The following TENM3 variants were observed in gnomAD, a reference collection of about 807,000 sequenced individuals.
The protein encoded by TENM3 is teneurin transmembrane protein 3.
A neutral mutation model predicts 255.1 loss-of-function variants in TENM3; 63 were observed. That is an observed-to-expected ratio of 0.25 (90% CI 0.20 to 0.30). TENM3 has a LOEUF of 0.30. TENM3 is among the 10% of genes least tolerant of loss of function. The pLI is 1.00. For synonymous variants in TENM3, 1,306 were observed against 1,322.3 expected, an observed-to-expected ratio of 0.99 and a Z score of 0.27; for missense variants, 2,929 against 3,461.1, an observed-to-expected ratio of 0.85 and a Z score of 3.86.
At chr4:182,060,992 A>G in the TENM3 span, among the ~76,000 whole-genome samples, 1 of 152,296 alleles carries the variant, frequency 6.6e-6, no homozygotes, top group East Asian at 1.9e-4. Context: ...TGTCTCAGAA[A>G]GTTCAGGATG....
chr4:181,612,874 C>T, the TENM3 span, among the ~76,000 whole-genome samples: 3 of 152,144 alleles, frequency 2.0e-5, no homozygotes, highest in African/African-American at 7.2e-5. Context: ...AGATACAACA[C>T]TATTTTCATA....
the TENM3 span, among the ~76,000 whole-genome samples, chr4:181,672,037 C>A: frequency 6.6e-6 from 1 of 152,262 alleles, no homozygotes; most frequent in Non-Finnish European, 1.5e-5. Flanking sequence ...TTGGATAGCA[C>A]CTTAAAATCT....
chr4:181,936,411 T>C, the TENM3 span, among the ~76,000 whole-genome samples: 2 of 152,072 alleles, frequency 1.3e-5, no homozygotes, highest in African/African-American at 4.8e-5. Flanking sequence ...AGGAATCAGA[T>C]GTGAGAGTGG....
chr4:181,855,864 T>G, the TENM3 span, among the ~76,000 whole-genome samples: 4 of 133,012 alleles, frequency 3.0e-5, no homozygotes, highest in East Asian at 2.4e-4. Context: ...GGAGGGAGGA[T>G]AGGAGGAAGC....
the TENM3 span, among the ~76,000 whole-genome samples, chr4:181,739,727 G>A: frequency 1.3e-5 from 2 of 152,132 alleles, no homozygotes; most frequent in South Asian, 2.1e-4. Context: ...GCAGACCGTC[G>A]TACATTTATT....
chr4:181,516,066 G>A, the TENM3 span, among the ~76,000 whole-genome samples: 4 of 152,242 alleles, frequency 2.6e-5, no homozygotes, highest in East Asian at 7.7e-4. Context: ...GGACATAGAT[G>A]GAGCTGGAAG....
At chr4:181,650,986 T>C in the TENM3 span, among the ~76,000 whole-genome samples, 1 of 152,320 alleles carries the variant, frequency 6.6e-6, no homozygotes, top group Non-Finnish European at 1.5e-5. Context: ...TTCTTTGCCA[T>C]TTGGGGCTTC....
At chr4:182,654,570 T>C (rs1181523485) in intron 6 of TENM3, among the ~76,000 whole-genome samples, 2 of 152,158 alleles carry the variant, frequency 1.3e-5, no homozygotes. Context: ...CTCTGACTTT[T>C]TGCAAAATAT....
At chr4:181,551,838 ATGTGTGTGTGTGTGTGTGTGTGTG>A in the TENM3 span, among the ~76,000 whole-genome samples, 21,984 of 138,922 alleles carry the variant, frequency 0.16, 2,227 homozygotes, top group Admixed American at 0.23. Context: ...ATATATGTAT[ATGTGTGTGTGTGTGTGTGTGTGTG>A]TGTGTGTGTG....
chr4:182,796,826 A>G, intron 27 of TENM3, 59 bp downstream of exon 27: 2 of 1,379,188 alleles, frequency 1.5e-6, no homozygotes, highest in Non-Finnish European at 2.0e-6. Context: ...ATCTACCCAT[A>G]TCTAATCAAA....
chr4:182,571,965 G>A (rs1245307841), intron 3 of TENM3, among the ~76,000 whole-genome samples: 3 of 152,140 alleles, frequency 2.0e-5, no homozygotes, highest in Non-Finnish European at 4.4e-5. Flanking sequence ...GCAGTGGCGC[G>A]ATCCTGGCTC....
At chr4:182,179,306 G>T (rs1752702454) in intron 1 of TENM3, among the ~76,000 whole-genome samples, 1 of 152,160 alleles carries the variant, frequency 6.6e-6, no homozygotes, top group Non-Finnish European at 1.5e-5. Flanking sequence ...CATAATGCCT[G>T]TTCATTTAAA....
intron 3 of TENM3, among the ~76,000 whole-genome samples, chr4:182,347,714 AT>A (rs1294106776): frequency 6.6e-6 from 1 of 152,226 alleles, no homozygotes; most frequent in African/African-American, 2.4e-5. Flanking sequence ...AGAAAACTTA[AT>A]TTTTAGTCAG....
At chr4:181,503,745 A>G in the TENM3 span, among the ~76,000 whole-genome samples, 1 of 152,186 alleles carries the variant, frequency 6.6e-6, no homozygotes, top group African/African-American at 2.4e-5. Context: ...TTATCTGTCT[A>G]TATGAGTGGG....
the TENM3 span, among the ~76,000 whole-genome samples, chr4:181,686,479 C>T: frequency 0.011 from 1,628 of 152,036 alleles, 21 homozygotes; most frequent in African/African-American, 0.032. Flanking sequence ...ACATAAAGGA[C>T]GAAAGTTCCC....
the TENM3 span, among the ~76,000 whole-genome samples, chr4:181,599,713 C>T: frequency 2.0e-5 from 3 of 152,106 alleles, no homozygotes; most frequent in African/African-American, 7.2e-5. Flanking sequence ...AAGAACACTG[C>T]ATTGGAAAAG....
intron 3 of TENM3, among the ~76,000 whole-genome samples, chr4:182,551,023 C>A (rs1741947839): frequency 6.6e-6 from 1 of 152,014 alleles, no homozygotes; most frequent in African/African-American, 2.4e-5. Context: ...GAGTTTGAGA[C>A]CAGCCTGGTC....
chr4:182,602,812 A>G (rs913993104), intron 4 of TENM3, among the ~76,000 whole-genome samples: 1 of 152,184 alleles, frequency 6.6e-6, no homozygotes, highest in Non-Finnish European at 1.5e-5. Context: ...CCGATTCACT[A>G]TTGTCATTTG....
At chr4:182,703,090 C>A (rs1228383370) in intron 12 of TENM3, among the ~76,000 whole-genome samples, 16 of 152,130 alleles carry the variant, frequency 1.1e-4, no homozygotes, top group Non-Finnish European at 4.4e-5. Context: ...AATTATTTTT[C>A]AATTGTTCTT....
Sources: gnomAD v4.1 joint callset for allele counts (sites outside exome capture counted in the v4.1 genomes callset) on GRCh38, gnomAD v4.1.1 for gene constraint, MANE v1.5 for transcripts, NCBI Gene and HGNC (gene_info 2026-07-23, HGNC 2026-07-21) for gene names.